The following MYT1L variants were observed in gnomAD, a reference collection of about 807,000 sequenced individuals.
The protein encoded by MYT1L is myelin transcription factor 1 like.
In MYT1L, 12 loss-of-function variants were observed where a neutral mutation model predicts 126.7. The observed-to-expected ratio is 0.09, with a 90% CI of 0.06 to 0.15. The LOEUF is 0.15. MYT1L is among the 10% of genes least tolerant of loss of function. The probability of loss-of-function intolerance (pLI) is 1.00; values close to 1 mark genes in which losing one functional copy is unlikely to be tolerated. For missense variants in MYT1L, 979 were observed against 1,585.2 expected, an observed-to-expected ratio of 0.62 and a Z score of 6.49; for synonymous variants, 541 against 604.2, an observed-to-expected ratio of 0.90 and a Z score of 1.53.
chr2:1,913,330 C>T (rs1190833093), intron 11 of MYT1L, among the ~76,000 whole-genome samples: 1 of 152,138 alleles, frequency 6.6e-6, no homozygotes, highest in East Asian at 1.9e-4. Context: ...CTAGTAAGTG[C>T]TGTCAGAAAA....
In MYT1L at chr2:1,979,513, G is replaced by A. The variant is rs1233324979; in HGVS notation, c.89+8C>T. 3.7e-6 allele frequency: 6 copies of A among 1,612,910 alleles called. No homozygotes were observed. Among genetic ancestry groups the A allele is most frequent in the Non-Finnish European group, 5.1e-6 (6 of 1,179,016 alleles). ...AATGGGGATGCATTTTACCCACATG[G>A]CACTAACCTGAACAGCTCTTGTATG... is the stretch of plus-strand genomic sequence containing the variant. On this transcript the variant is annotated splice_region_variant and intron_variant, in intron 7 of 24. Coordinates refer to ENST00000647738, the MANE Select transcript of MYT1L (RefSeq NM_001303052.2). This position sits in a 1 kb window ranked among gnomAD's most constrained non-coding sequence, Gnocchi z 4.0.
At chr2:2,187,906 T>A (rs1227605163) in intron 2 of MYT1L, among the ~76,000 whole-genome samples, 1 of 152,162 alleles carries the variant, frequency 6.6e-6, no homozygotes, top group African/African-American at 2.4e-5. Flanking sequence ...AGATTATCCC[T>A]CTCTCTCCAT....
chr2:1,958,562 G>A (rs1558541105), intron 8 of MYT1L, among the ~76,000 whole-genome samples: 1 of 152,226 alleles, frequency 6.6e-6, no homozygotes, highest in Non-Finnish European at 1.5e-5. Flanking sequence ...CCTTGAAGAG[G>A]TGTCTCAGGG....
chr2:2,295,623 G>T (rs200748383), intron 1 of MYT1L, among the ~76,000 whole-genome samples: 8 of 113,542 alleles, frequency 7.0e-5, no homozygotes, highest in Non-Finnish European at 9.4e-5. Context: ...GAGAGAGAGA[G>T]AGACAGACAG....
At chr2:2,079,820 AAAAG>A (rs752684914) in intron 3 of MYT1L, among the ~76,000 whole-genome samples, 3 of 152,132 alleles carry the variant, frequency 2.0e-5, no homozygotes, top group Non-Finnish European at 2.9e-5. Flanking sequence ...TCAAAAAAAA[AAAAG>A]AAAGAAAGAA....
chr2:2,284,165 A>G (rs987806347), intron 2 of MYT1L, among the ~76,000 whole-genome samples: 2 of 152,242 alleles, frequency 1.3e-5, no homozygotes, highest in Non-Finnish European at 2.9e-5. Context: ...TGCTTTCATC[A>G]GTATAAAGAT....
chr2:2,273,002 A>G (rs956037211), intron 2 of MYT1L, among the ~76,000 whole-genome samples: 6 of 151,888 alleles, frequency 4.0e-5, no homozygotes, highest in Admixed American at 2.0e-4. Context: ...CAGTGGAGGG[A>G]TCCTGGGACA....
At chr2:2,163,808 G>A (rs894004148) in intron 3 of MYT1L, among the ~76,000 whole-genome samples, 1 of 151,850 alleles carries the variant, frequency 6.6e-6, no homozygotes, top group Non-Finnish European at 1.5e-5. Flanking sequence ...GCTGTCATAA[G>A]ATCTGAATGG....
intron 8 of MYT1L, among the ~76,000 whole-genome samples, chr2:1,946,938 A>G (rs1457662193): frequency 2.0e-5 from 3 of 152,162 alleles, no homozygotes; most frequent in Non-Finnish European, 2.9e-5. Flanking sequence ...GTTAGCAGAT[A>G]ATAGATGCAG....
chr2:1,915,025 G>A (rs1003227160), intron 11 of MYT1L, among the ~76,000 whole-genome samples: 2 of 151,844 alleles, frequency 1.3e-5, no homozygotes, highest in East Asian at 1.9e-4. Context: ...GCAGAGCCCC[G>A]GCCTCGTGCA....
At chr2:1,858,429 T>C (rs1036656381) in intron 18 of MYT1L, among the ~76,000 whole-genome samples, 3 of 152,216 alleles carry the variant, frequency 2.0e-5, no homozygotes, top group East Asian at 1.9e-4. Flanking sequence ...AGAAAAATGA[T>C]AAAAAACAAT....
intron 9 of MYT1L, among the ~76,000 whole-genome samples, chr2:1,940,066 G>A (rs2056463127): frequency 6.6e-6 from 1 of 152,274 alleles, no homozygotes; most frequent in South Asian, 2.1e-4. Flanking sequence ...CTAAGTGGCT[G>A]CCTGGGATCT....
rs911118818 is a variant in MYT1L at position 2,089,554 on chromosome 2, G to A, written c.-303-35431C>T. 1.4e-4 allele frequency among the ~76,000 whole-genome samples: 21 copies of A among 152,288 alleles called. No individual in the cohort carries two copies. In the South Asian group the frequency reaches 2.7e-3, roughly 20 times the overall value. On this transcript the variant is annotated intron_variant, in intron 3 of 24. Coordinates refer to ENST00000647738, the MANE Select transcript of MYT1L (RefSeq NM_001303052.2). ...TTGGAAAATGACTGTCATTTATATG[G>A]GGTGTGCAGAAAGTCTTAAACATCA... is the stretch of plus-strand genomic sequence containing the variant.
intron 2 of MYT1L, among the ~76,000 whole-genome samples, chr2:2,265,322 T>A (rs934026912): frequency 6.6e-6 from 1 of 152,140 alleles, no homozygotes; most frequent in Non-Finnish European, 1.5e-5. Flanking sequence ...CTTTTTTTTT[T>A]TCCTTTTTTT....
chr2:1,896,565 C>T lies in MYT1L; in HGVS notation c.2033-4278G>A, dbSNP rs2049600427. Reference sequence around the variant, plus strand: ...GTAACATGGATGGTGCTGGAGGCCACAAACCTAAATGAATTAATGCAGGGA... The same window carrying T: ...GTAACATGGATGGTGCTGGAGGCCATAAACCTAAATGAATTAATGCAGGGA... On this transcript the variant is annotated intron_variant, in intron 14 of 24. Transcript: ENST00000647738. Among the ~76,000 whole-genome samples the T allele has an allele frequency of 2.0e-5, 3 of 152,288 alleles. No individual in the cohort carries two copies. The South Asian group carries it at 6.2e-4, about 32-fold the overall frequency.
intron 3 of MYT1L, among the ~76,000 whole-genome samples, chr2:2,137,927 T>C (rs903172477): frequency 6.6e-5 from 10 of 152,108 alleles, no homozygotes; most frequent in Non-Finnish European, 1.3e-4. Flanking sequence ...AGAAAATTTT[T>C]GCAACCTACT....
rs190521119 is a variant in MYT1L, at chr2:2,107,894, G to A, written c.-303-53771C>T. Reference sequence around the variant, plus strand: ...CCAGAGACGCAGTTGCTGCACACACGGAGCTGCTTGTTCTGAAACACGGTG... The same window carrying A: ...CCAGAGACGCAGTTGCTGCACACACAGAGCTGCTTGTTCTGAAACACGGTG... On this transcript the variant is annotated intron_variant, in intron 3 of 24. Transcript: ENST00000647738. 1.1e-3 allele frequency among the ~76,000 whole-genome samples: 175 copies of A among 152,234 alleles called. 1 individual carries two copies. Among genetic ancestry groups the A allele is most frequent in the African/African-American group, 3.6e-3 (149 of 41,520 alleles).
At chr2:2,069,185 T>C (rs1044287431) in intron 3 of MYT1L, among the ~76,000 whole-genome samples, 6 of 152,136 alleles carry the variant, frequency 3.9e-5, no homozygotes, top group African/African-American at 1.4e-4. Context: ...AACTCGTCAT[T>C]GACATTAGGT....
intron 21 of MYT1L, among the ~76,000 whole-genome samples, chr2:1,812,629 GCA>G (rs913731455): frequency 1.3e-5 from 2 of 152,090 alleles, no homozygotes; most frequent in African/African-American, 2.4e-5. Context: ...TGTAATCCTA[GCA>G]CTTTGTGAGG....
Sources: gnomAD v4.1 joint callset for allele counts (sites outside exome capture counted in the v4.1 genomes callset) on GRCh38, gnomAD v4.1.1 for gene constraint, Gnocchi (gnomAD v3.1) non-coding constraint, MANE v1.5 for transcripts, NCBI Gene and HGNC (gene_info 2026-07-23, HGNC 2026-07-21) for gene names.